Variants in ATR observed in about 807,000 individuals in gnomAD.
ATR encodes serine/threonine-protein kinase ATR.
ATR carries 142 observed loss-of-function variants against 305.3 expected under a neutral mutation model. The observed-to-expected ratio is 0.47, with a 90% CI of 0.41 to 0.53. ATR has a LOEUF of 0.53. Ranked by LOEUF, ATR falls within the 20% of genes least tolerant of loss-of-function variation. ATR has a pLI of 0.00. For missense variants in ATR, 2,135 were observed against 3,133.1 expected (o/e 0.68, Z 7.60); for synonymous variants, 1,050 against 1,068.1 (o/e 0.98, Z 0.33).
intron 46 of ATR, chr3:142,450,822 C>G: frequency 2.2e-6 from 3 of 1,386,534 alleles, no homozygotes; most frequent in South Asian, 2.9e-5. Flanking sequence ...CACAAGCAGA[C>G]AGAGCTTCCG....
chr3:142,569,144 A>G (rs531132682), intron 1 of ATR, among the ~76,000 whole-genome samples: 1 of 152,286 alleles, frequency 6.6e-6, no homozygotes, highest in African/African-American at 2.4e-5. Context: ...CTATGGACCA[A>G]TTAGCATTCA....
At chr3:142,519,576 A>G (rs2033053814) in intron 24 of ATR, 93 bp downstream of exon 24, 4 of 983,794 alleles carry the variant, frequency 4.1e-6, no homozygotes, top group African/African-American at 1.6e-5. Flanking sequence ...CTGGGATTAC[A>G]GGCGTGAGCC....
chr3:142,472,314 T>C (rs1448367387), intron 36 of ATR: 1 of 152,196 alleles, frequency 6.6e-6, no homozygotes, highest in Non-Finnish European at 1.5e-5. Flanking sequence ...CATATGATAT[T>C]TCTATTTTTA....
At chr3:142,558,557 A>AATAAATAAATAG (rs1553771187) in intron 8 of ATR, 67 bp downstream of exon 8, 78 of 620,076 alleles carry the variant, frequency 1.3e-4, no homozygotes, top group African/African-American at 6.9e-4. Context: ...TAAATAAATA[A>AATAAATAAATAG]ATAGATAGAT....
intron 30 of ATR, among the ~76,000 whole-genome samples, chr3:142,500,666 G>A (rs998912871): frequency 6.6e-6 from 1 of 152,086 alleles, no homozygotes; most frequent in Non-Finnish European, 1.5e-5. Context: ...GATCTAACAA[G>A]TTTCATTTTT....
At chr3:142,500,329 C>A (rs2031889228) in intron 30 of ATR, among the ~76,000 whole-genome samples, 2 of 152,072 alleles carry the variant, frequency 1.3e-5, no homozygotes, top group African/African-American at 4.8e-5. Context: ...GTTTGCAAAA[C>A]CAGTATGATA....
Position 142,553,696 on chromosome 3 carries a change from T to C in ATR, c.2577A>G (p.Ile859Met), listed in dbSNP as rs1319704567. 2.5e-6 allele frequency: 4 copies of C among 1,613,004 alleles called. No individual in the cohort carries two copies. The highest frequency in any genetic ancestry group is 3.3e-5 in the Admixed American group (2 of 60,014). Residue 859 changes from isoleucine (I) to methionine (M), a missense_variant, in exon 12 of 47, where the codon ATA becomes ATG. Coordinates refer to ENST00000350721, the MANE Select transcript of ATR (RefSeq NM_001184.4). The stretch of plus-strand genomic sequence containing the variant: ...TATCCTTCAGCTCATTATTTCTTGA[T>C]ATTTGGGCATGTGTATATGCTTCCT... ...RMKEAYTHAQ[I>M]SRNNELKDTL...
At chr3:142,533,155 C>T (rs2033727944) in intron 21 of ATR, among the ~76,000 whole-genome samples, 1 of 151,976 alleles carries the variant, frequency 6.6e-6, no homozygotes, top group African/African-American at 2.4e-5. Context: ...ATTAGGTGAG[C>T]ATGGTGGCAC....
At chr3:142,471,886 T>C (rs1365408406) in intron 36 of ATR, among the ~76,000 whole-genome samples, 1 of 152,144 alleles carries the variant, frequency 6.6e-6, no homozygotes, top group African/African-American at 2.4e-5. Flanking sequence ...CCCCAACTCC[T>C]CACTACTCCA....
At chr3:142,454,322 C>G (rs891128481) in intron 45 of ATR, among the ~76,000 whole-genome samples, 2 of 152,022 alleles carry the variant, frequency 1.3e-5, no homozygotes, top group Non-Finnish European at 1.5e-5. Flanking sequence ...CTGACCCAGA[C>G]TAACACAGGG....
intron 34 of ATR, among the ~76,000 whole-genome samples, chr3:142,495,521 G>A (rs777514027): frequency 3.3e-5 from 5 of 152,192 alleles, no homozygotes; most frequent in African/African-American, 4.8e-5. Flanking sequence ...GAGGCAGGTG[G>A]ATCATGAGGT....
chr3:142,472,640 T>C (rs1430046110), intron 36 of ATR, among the ~76,000 whole-genome samples: 1 of 152,102 alleles, frequency 6.6e-6, no homozygotes, highest in Non-Finnish European at 1.5e-5. Context: ...TTTTTCTATT[T>C]TTATTTTTAT....
chr3:142,450,418 G>C, intron 46 of ATR: 1 of 1,586,356 alleles, frequency 6.3e-7, no homozygotes, highest in Non-Finnish European at 8.6e-7. Flanking sequence ...TTTCACTTGT[G>C]ACAAGTTTAG....
chr3:142,499,056 A>G, intron 31 of ATR: 1 of 435,518 alleles, frequency 2.3e-6, no homozygotes, highest in Non-Finnish European at 4.3e-6. Context: ...TTTTTAAAAA[A>G]CATTTTTGCA....
intron 39 of ATR, 40 bp downstream of exon 39, chr3:142,467,894 A>T: frequency 6.2e-7 from 1 of 1,604,232 alleles, no homozygotes; most frequent in Admixed American, 1.7e-5. Context: ...ATACATAATT[A>T]CCCAACATCA....
intron 19 of ATR, among the ~76,000 whole-genome samples, chr3:142,537,019 C>A (rs535043240): frequency 6.6e-6 from 1 of 152,232 alleles, no homozygotes; most frequent in East Asian, 1.9e-4. Flanking sequence ...TTAACTCATG[C>A]AATAAATATA....
intron 28 of ATR, among the ~76,000 whole-genome samples, chr3:142,506,085 T>C (rs2032220402): frequency 6.6e-6 from 1 of 152,122 alleles, no homozygotes; most frequent in African/African-American, 2.4e-5. Flanking sequence ...GCAAGAATAG[T>C]GTCAACAGAA....
At position 142,553,750 on chromosome 3, in the gene ATR, T is replaced by C. The variant is rs1164134047; in HGVS notation, c.2533-10A>G. 7 of 1,611,126 alleles carry C rather than the reference T, an allele frequency of 4.3e-6. No homozygotes were observed. The highest frequency in any genetic ancestry group is 1.3e-5 in the African/African-American group (1 of 74,848). On this transcript the variant is annotated splice_polypyrimidine_tract_variant and intron_variant, in intron 11 of 46. Coordinates refer to ENST00000350721, the MANE Select transcript of ATR (RefSeq NM_001184.4). ...TTCTTAAGACAAAAAGCTAGAACAA[T>C]AAAATTAACTGGTTAAAGAAATTTT...
At chr3:142,548,017 AT>A (rs2108452392) in intron 15 of ATR, 107 bp from the exon 16 acceptor site, 1 of 953,584 alleles carries the variant, frequency 1.0e-6, no homozygotes, top group South Asian at 1.5e-5. Context: ...TCTAGCCCAG[AT>A]GACAGGATTT....
Sources: allele counts gnomAD v4.1 joint callset (sites outside exome capture counted in the v4.1 genomes callset), GRCh38; gene constraint gnomAD v4.1.1; transcripts MANE v1.5; gene names NCBI Gene and HGNC (gene_info 2026-07-23, HGNC 2026-07-21).